The following DAB1 variants were observed in gnomAD, a reference collection of about 807,000 sequenced individuals.
DAB1 encodes the protein DAB adaptor protein 1, also known as disabled homolog 1.
A neutral mutation model predicts 64.6 loss-of-function variants in DAB1; 15 were observed. The observed-to-expected ratio is 0.23, with a 90% confidence interval of 0.16 to 0.36. DAB1 has a LOEUF of 0.36. Among genes scored for constraint, DAB1 ranks in the 10% least tolerant of loss-of-function variants. DAB1 has a pLI of 1.00. For missense variants in DAB1, 596 were observed against 706.7 expected (o/e 0.84, Z 1.78); for synonymous variants, 235 against 251.9 (o/e 0.93, Z 0.64).
chr1:57,248,149 A>G (rs1288651514), intron 2 of DAB1, among the ~76,000 whole-genome samples: 1 of 152,228 alleles, frequency 6.6e-6, no homozygotes, highest in Non-Finnish European at 1.5e-5. Context: ...AATCATCTCT[A>G]GATCACTTAT....
intron 3 of DAB1, among the ~76,000 whole-genome samples, chr1:58,403,698 T>C (rs955111532): frequency 6.6e-6 from 1 of 152,178 alleles, no homozygotes; most frequent in Non-Finnish European, 1.5e-5. Context: ...ATGAACTAGA[T>C]CTTGGATGTG....
chr1:57,860,691 A>AG (rs1366000395), intron 1 of DAB1: 1 of 152,180 alleles, frequency 6.6e-6, no homozygotes, highest in Non-Finnish European at 1.5e-5. Context: ...TTAGGATCTA[A>AG]GGGGCCAACA....
At chr1:57,850,208 G>C (rs1448229620) in intron 1 of DAB1, among the ~76,000 whole-genome samples, 1 of 152,176 alleles carries the variant, frequency 6.6e-6, no homozygotes, top group Non-Finnish European at 1.5e-5. Flanking sequence ...TTGGAACAAA[G>C]CCTTCAGATT....
intron 5 of DAB1, among the ~76,000 whole-genome samples, chr1:57,918,955 AAACTAT>A (rs1644771861): frequency 6.6e-6 from 1 of 152,170 alleles, no homozygotes; most frequent in Non-Finnish European, 1.5e-5. Context: ...TTGTCAGGAC[AAACTAT>A]AGCCAAATCA....
At chr1:58,272,831 C>A (rs1328923727) in intron 4 of DAB1, among the ~76,000 whole-genome samples, 2 of 148,306 alleles carry the variant, frequency 1.3e-5, no homozygotes, top group Admixed American at 6.7e-5. Flanking sequence ...AGGATTGCAA[C>A]CCCTGCCTTT....
chr1:58,435,913 T>C (rs1644939537), intron 3 of DAB1, among the ~76,000 whole-genome samples: 1 of 152,244 alleles, frequency 6.6e-6, no homozygotes, highest in Non-Finnish European at 1.5e-5. Flanking sequence ...CCACAGTCTG[T>C]AGTCTGGAAA....
downstream of DAB1, among the ~76,000 whole-genome samples, chr1:57,821,547 T>A (rs1052737843): frequency 6.6e-6 from 1 of 152,244 alleles, no homozygotes; most frequent in Admixed American, 6.5e-5. Context: ...TTGGGAGCCA[T>A]AGACAACCCA....
intron 2 of DAB1, among the ~76,000 whole-genome samples, chr1:57,215,795 G>A (rs182394629): frequency 6.6e-6 from 1 of 152,272 alleles, no homozygotes; most frequent in Non-Finnish European, 1.5e-5. Context: ...CATGAATTCA[G>A]ACTGGTGCTA....
intron 2 of DAB1, among the ~76,000 whole-genome samples, chr1:57,167,571 T>A (rs1467565737): frequency 6.6e-6 from 1 of 152,144 alleles, no homozygotes; most frequent in East Asian, 1.9e-4. Flanking sequence ...TACCTCCAGC[T>A]CCTTTCCTGA....
At chr1:57,108,976 T>C (rs1053675242) in intron 4 of DAB1, among the ~76,000 whole-genome samples, 1 of 152,222 alleles carries the variant, frequency 6.6e-6, no homozygotes, top group Non-Finnish European at 1.5e-5. Context: ...TCAGTTCATC[T>C]TTGATGTACT....
chr1:58,128,231 G>C (rs1303404105), intron 5 of DAB1, among the ~76,000 whole-genome samples: 3 of 151,472 alleles, frequency 2.0e-5, no homozygotes, highest in Non-Finnish European at 4.4e-5. Flanking sequence ...ATTGTGAATG[G>C]GAATTCACTC....
intron 4 of DAB1, among the ~76,000 whole-genome samples, chr1:58,180,650 A>G (rs1020270930): frequency 6.6e-6 from 1 of 152,080 alleles, no homozygotes; most frequent in African/African-American, 2.4e-5. Context: ...GTACTGCCTT[A>G]GCTGGACCCC....
chr1:58,310,241 C>G (rs766765344), intron 4 of DAB1, among the ~76,000 whole-genome samples: 2 of 152,170 alleles, frequency 1.3e-5, no homozygotes, highest in Non-Finnish European at 2.9e-5. Context: ...ACACCTATTT[C>G]TTCACATATA....
intron 6 of DAB1, among the ~76,000 whole-genome samples, chr1:57,762,792 C>T (rs192590236): frequency 6.6e-6 from 1 of 152,310 alleles, no homozygotes; most frequent in Admixed American, 6.5e-5. Context: ...TTGCCCAGAG[C>T]CTGGATCGCC....
chr1:58,065,437 G>A (rs1051270766), intron 5 of DAB1, among the ~76,000 whole-genome samples: 6 of 151,980 alleles, frequency 3.9e-5, no homozygotes, highest in Admixed American at 3.3e-4. Context: ...TAATAAAACT[G>A]GATTTTTTAA....
At chr1:57,340,838 C>T (rs1333605128) in intron 1 of DAB1, among the ~76,000 whole-genome samples, 1 of 152,164 alleles carries the variant, frequency 6.6e-6, no homozygotes, top group Non-Finnish European at 1.5e-5. Context: ...AGCACCTGGG[C>T]TCTGAACTAC....
chr1:57,887,337 A>C (rs549682883), upstream of DAB1, among the ~76,000 whole-genome samples: 73 of 148,264 alleles, frequency 4.9e-4, 1 homozygote, highest in African/African-American at 1.6e-3. Flanking sequence ...TACTTAGCAC[A>C]CTACTGAAAT....
intron 14 of DAB1, among the ~76,000 whole-genome samples, chr1:57,000,094 A>G (rs1645795150): frequency 7.2e-6 from 1 of 138,510 alleles, no homozygotes; most frequent in African/African-American, 2.8e-5. Context: ...CCCAGGCTAG[A>G]GTGCAGTGGC....
intron 2 of DAB1, among the ~76,000 whole-genome samples, chr1:57,241,673 T>G (rs1668504152): frequency 1.3e-5 from 2 of 152,194 alleles, no homozygotes; most frequent in Non-Finnish European, 1.5e-5. Context: ...TGCCACCCAC[T>G]GATATGGAGT....
Sources: gnomAD v4.1 joint callset for allele counts (sites outside exome capture counted in the v4.1 genomes callset) on GRCh38, gnomAD v4.1.1 for gene constraint, MANE v1.5 for transcripts, NCBI Gene and HGNC (gene_info 2026-07-23, HGNC 2026-07-21) for gene names.